The following ZNF573 variants were observed in gnomAD, a reference collection of about 807,000 sequenced individuals.
ZNF573 encodes the protein zinc finger protein 573.
Under a neutral mutation model 57.4 loss-of-function variants are expected in ZNF573, and 41 were observed. The observed-to-expected ratio is 0.71, with a 90% CI of 0.56 to 0.93. The LOEUF (loss-of-function observed/expected upper bound fraction) is 0.93. ZNF573 is among the 40% of genes least tolerant of loss of function. The pLI, the probability that ZNF573 is intolerant of heterozygous loss-of-function variation, is 0.00. For missense variants in ZNF573, 730 were observed against 794.8 expected (o/e 0.92, Z 0.98); for synonymous variants, 249 against 261.0 (o/e 0.95, Z 0.44).
At chr19:37,753,197 G>T (rs1476354049) in intron 4 of ZNF573, among the ~76,000 whole-genome samples, 1 of 152,056 alleles carries the variant, frequency 6.6e-6, no homozygotes, top group Non-Finnish European at 1.5e-5. Flanking sequence ...ATGCAAAATT[G>T]TTATATTTCA....
intron 4 of ZNF573, among the ~76,000 whole-genome samples, chr19:37,753,279 A>G (rs2045456014): frequency 6.6e-6 from 1 of 152,096 alleles, no homozygotes; most frequent in Non-Finnish European, 1.5e-5. Context: ...GGTATATGAG[A>G]TATTTTGATA....
intron 1 of ZNF573, among the ~76,000 whole-genome samples, chr19:37,776,383 A>G (rs1389956486): frequency 6.6e-6 from 1 of 152,208 alleles, no homozygotes; most frequent in Non-Finnish European, 1.5e-5. Context: ...TAAAGTGGGG[A>G]AAAGACACAC....
Position 37,739,011 on chromosome 19 carries a change from A to G in ZNF573, c.1479T>C (p.Thr493=). The part of the protein sequence containing the change: ...SNLIQHRKTH[T]GEKPYKCKEC... ...CCTTACATTTATAGGGTTTCTCACC[A>G]GTATGAGTTTTCCGATGTTGAATAA... is the stretch of plus-strand genomic sequence containing the variant. The change falls in exon 5 of 5, where the codon ACT becomes ACC. Residue 493 remains threonine (T), a synonymous_variant. Coordinates refer to ENST00000536220, the MANE Select transcript of ZNF573 (RefSeq NM_001172690.2). 1 of 1,613,672 alleles carries G rather than the reference A, an allele frequency of 6.2e-7. No homozygotes were observed. Among genetic ancestry groups the G allele is most frequent in the African/African-American group, 1.3e-5 (1 of 75,026 alleles).
intron 4 of ZNF573, among the ~76,000 whole-genome samples, chr19:37,769,651 A>T (rs924974720): frequency 6.8e-6 from 1 of 147,348 alleles, no homozygotes; most frequent in African/African-American, 2.5e-5. Context: ...ACCTGAACCC[A>T]GGAGGTGGAG....
chr19:37,768,612 C>T (rs1044347431), intron 4 of ZNF573, among the ~76,000 whole-genome samples: 1 of 152,204 alleles, frequency 6.6e-6, no homozygotes, highest in Non-Finnish European at 1.5e-5. Context: ...TTACTTTCTA[C>T]CATTGCTTAT....
In ZNF573 at chr19:37,739,024, CG is replaced by C. The variant is rs1292402892; in HGVS notation, c.1465del (p.Arg489GlyfsTer35). 1.9e-6 allele frequency: 3 copies of C among 1,610,250 alleles called. No homozygotes were observed. The highest frequency in any genetic ancestry group is 3.4e-5 in the Admixed American group (2 of 59,494). Reference sequence around the variant, plus strand: ...GGGTTTCTCACCAGTATGAGTTTTCCGATGTTGAATAAGGTTTGAGCCAGTA... The same window carrying C: ...GGGTTTCTCACCAGTATGAGTTTTCCATGTTGAATAAGGTTTGAGCCAGTA... ...YSTGSNLIQHRKTHTGEKPYK... is the reference protein window; with the variant it reads ...YSTGSNLIQHXKTHTGEKPYK... On this transcript the variant is annotated frameshift_variant, in exon 5 of 5. Transcript: ENST00000536220. LOFTEE classifies it high-confidence loss of function.
At chr19:37,760,121 GTA>G (rs2045537178) in intron 4 of ZNF573, among the ~76,000 whole-genome samples, 2 of 152,150 alleles carry the variant, frequency 1.3e-5, no homozygotes, top group Non-Finnish European at 2.9e-5. Context: ...CCACACATAC[GTA>G]CATAGCTGCC....
At position 37,757,305 on chromosome 19, in the gene ZNF573, T is replaced by G. The variant is rs531083679; in HGVS notation, c.295+12700A>C. On this transcript the variant is annotated intron_variant, in intron 4 of 4. Coordinates refer to ENST00000536220, the MANE Select transcript of ZNF573 (RefSeq NM_001172690.2). Reference sequence around the variant, plus strand: ...TCCACCTCCTGGGTTCAAGCAATTCTCCTGCCTCAGCTTCCCGAGTAGCTG... The same window carrying G: ...TCCACCTCCTGGGTTCAAGCAATTCGCCTGCCTCAGCTTCCCGAGTAGCTG... Among the ~76,000 whole-genome samples, 3 of 152,256 alleles carry G rather than the reference T, an allele frequency of 2.0e-5. No individual in the cohort carries two copies. The South Asian group carries it at 6.2e-4, about 32-fold the overall frequency.
intron 4 of ZNF573, among the ~76,000 whole-genome samples, chr19:37,741,102 G>A (rs759030215): frequency 1.2e-4 from 19 of 152,150 alleles, no homozygotes; most frequent in Admixed American, 8.5e-4. Context: ...TCCACAGACC[G>A]TTTAACTGCT....
chr19:37,773,146 C>G (rs1470777292), intron 2 of ZNF573, among the ~76,000 whole-genome samples: 1 of 152,182 alleles, frequency 6.6e-6, no homozygotes, highest in Non-Finnish European at 1.5e-5. Flanking sequence ...AAAATAAAAA[C>G]TTGTCTCTCA....
intron 4 of ZNF573, among the ~76,000 whole-genome samples, chr19:37,745,509 C>T (rs2045373480): frequency 6.6e-6 from 1 of 152,124 alleles, no homozygotes; most frequent in African/African-American, 2.4e-5. Context: ...GATTCTACTG[C>T]CTCAGCCTCT....
At chr19:37,759,482 C>G (rs1392353944) in intron 4 of ZNF573, among the ~76,000 whole-genome samples, 1 of 152,108 alleles carries the variant, frequency 6.6e-6, no homozygotes, top group Non-Finnish European at 1.5e-5. Flanking sequence ...AATCCCAGAA[C>G]TTTGGGAGGC....
chr19:37,750,728 T>A (rs752767033), intron 4 of ZNF573, among the ~76,000 whole-genome samples: 2 of 151,428 alleles, frequency 1.3e-5, no homozygotes, highest in Non-Finnish European at 2.9e-5. Flanking sequence ...GGCTCACACC[T>A]GTAATCCCAG....
At chr19:37,759,293 T>C (rs984736630) in intron 4 of ZNF573, among the ~76,000 whole-genome samples, 3 of 152,204 alleles carry the variant, frequency 2.0e-5, no homozygotes, top group African/African-American at 7.2e-5. Context: ...CAATTTCTTT[T>C]ACATCAAGTA....
At chr19:37,773,632 T>A (rs2045679129) in intron 2 of ZNF573, 29 bp downstream of exon 2, 1 of 1,513,452 alleles carries the variant, frequency 6.6e-7, no homozygotes, top group African/African-American at 1.4e-5. Context: ...GATCATGATA[T>A]TGCAAGGAAA....
chr19:37,760,514 C>A (rs2045541155), intron 4 of ZNF573, among the ~76,000 whole-genome samples: 1 of 152,104 alleles, frequency 6.6e-6, no homozygotes, highest in South Asian at 2.1e-4. Context: ...AGGGAGTATT[C>A]CTTCTTACAG....
At chr19:37,761,340 T>TG (rs1435363339) in intron 4 of ZNF573, among the ~76,000 whole-genome samples, 2 of 152,128 alleles carry the variant, frequency 1.3e-5, no homozygotes, top group African/African-American at 4.8e-5. Context: ...TACCACAAAA[T>TG]GAAGTCCGCA....
At chr19:37,749,950 A>C (rs2045417441) in intron 4 of ZNF573, among the ~76,000 whole-genome samples, 1 of 152,200 alleles carries the variant, frequency 6.6e-6, no homozygotes, top group South Asian at 2.1e-4. Context: ...AGTTTTTAAA[A>C]AGCACAATGG....
intron 4 of ZNF573, chr19:37,740,737 G>A (rs946903050): frequency 8.0e-6 from 3 of 375,694 alleles, no homozygotes; most frequent in South Asian, 6.1e-5. Flanking sequence ...TTGCCCCTTG[G>A]TATCTGTGGA....
Sources: gnomAD v4.1 joint callset for allele counts (sites outside exome capture counted in the v4.1 genomes callset) on GRCh38, gnomAD v4.1.1 for gene constraint, MANE v1.5 for transcripts, NCBI Gene and HGNC (gene_info 2026-07-23, HGNC 2026-07-21) for gene names.